The following TMEM108 variants were observed in gnomAD, a reference collection of about 807,000 sequenced individuals.
The protein encoded by TMEM108 is transmembrane protein 108, also known as cancer/testis antigen 124.
Under a neutral mutation model 35.1 loss-of-function variants are expected in TMEM108, and 12 were observed. That is an observed-to-expected ratio of 0.34 (90% CI 0.22 to 0.55). The LOEUF (loss-of-function observed/expected upper bound fraction) is 0.55. Among genes scored for constraint, TMEM108 ranks in the 20% least tolerant of loss-of-function variants. TMEM108 has a pLI of 0.89. For synonymous variants in TMEM108, 287 were observed against 308.6 expected (o/e 0.93, Z 0.73); for missense variants, 680 against 753.3 (o/e 0.90, Z 1.14).
chr3:133,250,250 A>G (rs1375874283), intron 3 of TMEM108, among the ~76,000 whole-genome samples: 1 of 152,088 alleles, frequency 6.6e-6, no homozygotes, highest in East Asian at 1.9e-4. Context: ...CCCTAAGACA[A>G]CAAGACCAAC....
intron 1 of TMEM108, among the ~76,000 whole-genome samples, chr3:133,043,860 C>T (rs1185936842): frequency 6.6e-6 from 1 of 152,188 alleles, no homozygotes; most frequent in East Asian, 1.9e-4. Context: ...TTTTCCTTTT[C>T]TATTTGTAAT....
At chr3:133,167,798 G>C (rs1391281824) in intron 2 of TMEM108, among the ~76,000 whole-genome samples, 1 of 152,178 alleles carries the variant, frequency 6.6e-6, no homozygotes, top group Non-Finnish European at 1.5e-5. Flanking sequence ...CGCAAGCAGA[G>C]GGAGCTGGCT....
intron 2 of TMEM108, among the ~76,000 whole-genome samples, chr3:133,058,057 C>T (rs2049149): frequency 0.4 from 60,516 of 151,602 alleles, 12,797 homozygotes; most frequent in Admixed American, 0.5. Context: ...AAATGCAGCC[C>T]TTGAGCACGT....
intron 2 of TMEM108, among the ~76,000 whole-genome samples, chr3:133,065,385 A>G (rs1282461739): frequency 6.6e-6 from 1 of 152,150 alleles, no homozygotes; most frequent in Non-Finnish European, 1.5e-5. Context: ...TTTCCATTAC[A>G]GAAGAATGCC....
chr3:133,331,939 G>A (rs2071398281), intron 3 of TMEM108, among the ~76,000 whole-genome samples: 1 of 152,222 alleles, frequency 6.6e-6, no homozygotes, highest in South Asian at 2.1e-4. Flanking sequence ...GATATAGCCA[G>A]GTCTGAACGT....
Position 133,316,758 on chromosome 3 carries a change from C to T in TMEM108, c.41-62994C>T, listed in dbSNP as rs148320885. Reference sequence around the variant, plus strand: ...AAGGTCCCCAGGGACCCAAATCAGACCCAAGGTGAGCATGCTGGTCCTCAG... The same window carrying T: ...AAGGTCCCCAGGGACCCAAATCAGATCCAAGGTGAGCATGCTGGTCCTCAG... On this transcript the variant is annotated intron_variant, in intron 3 of 5. Coordinates refer to ENST00000321871, the MANE Select transcript of TMEM108 (RefSeq NM_023943.4). 8.9e-3 allele frequency among the ~76,000 whole-genome samples: 1,351 copies of T among 152,332 alleles called. 57 individuals carry two copies. The highest frequency in any genetic ancestry group is 0.053 in the Admixed American group (816 of 15,306).
intron 3 of TMEM108, among the ~76,000 whole-genome samples, chr3:133,237,549 A>C (rs1559878087): frequency 6.6e-6 from 1 of 152,158 alleles, no homozygotes; most frequent in Non-Finnish European, 1.5e-5. Context: ...AGCAGTTCTC[A>C]TAATGTGATC....
intron 3 of TMEM108, among the ~76,000 whole-genome samples, chr3:133,293,746 C>A (rs1947105003): frequency 6.6e-6 from 1 of 152,098 alleles, no homozygotes; most frequent in South Asian, 2.1e-4. Context: ...GTAGAACATG[C>A]CTACATCTTG....
intron 3 of TMEM108, among the ~76,000 whole-genome samples, chr3:133,306,023 C>T (rs547736587): frequency 1.3e-5 from 2 of 152,038 alleles, no homozygotes; most frequent in African/African-American, 4.8e-5. Flanking sequence ...CAGATATTTT[C>T]TCCTGTGGCT....
intron 2 of TMEM108, among the ~76,000 whole-genome samples, chr3:133,190,510 C>T (rs1451104384): frequency 6.6e-6 from 1 of 152,164 alleles, no homozygotes; most frequent in Non-Finnish European, 1.5e-5. Context: ...TGTTACTATC[C>T]TCTTTTCCTG....
rs60991711 is a variant in TMEM108, at chr3:133,342,555, T to TATATATAC, written c.41-37196_41-37195insTATATACA. On this transcript the variant is annotated intron_variant, in intron 3 of 5. Transcript: ENST00000321871. Reference sequence around the variant, plus strand: ...AAAAAGAAAATGTGGTATATATATATACACACACACACACAATGGAGTACT... The same window carrying TATATATAC: ...AAAAAGAAAATGTGGTATATATATATATATATACACACACACACACACAATGGAGTACT... Among the ~76,000 whole-genome samples the TATATATAC allele has an allele frequency of 8.4e-4, 53 of 63,126 alleles. 2 individuals are homozygous for TATATATAC. The highest frequency in any genetic ancestry group is 1.8e-3 in the South Asian group (3 of 1,688). The allele number at this position is 63,126 out of a possible 152,430, so 41.4% of individuals were successfully genotyped here.
Position 133,276,979 on chromosome 3 carries a change from C to T in TMEM108, c.40+47628C>T, listed in dbSNP as rs72978110. On this transcript the variant is annotated intron_variant, in intron 3 of 5. Transcript: ENST00000321871. ...TCATTCAGTGGGGTACACTCAGGGT[C>T]CCTCAAACTTTAGTGCCACCCTTTC... is the stretch of plus-strand genomic sequence containing the variant. Among the ~76,000 whole-genome samples the T allele has an allele frequency of 8.2e-3, 1,251 of 152,218 alleles. 23 individuals carry two copies. The highest frequency in any genetic ancestry group is 0.029 in the African/African-American group (1,199 of 41,512).
At chr3:133,194,201 C>T (rs1230054888) in intron 2 of TMEM108, among the ~76,000 whole-genome samples, 1 of 152,148 alleles carries the variant, frequency 6.6e-6, no homozygotes, top group Non-Finnish European at 1.5e-5. Flanking sequence ...TCCCAAAGTG[C>T]TGGGATTACA....
chr3:133,119,256 A>G (rs969865631), intron 2 of TMEM108: 8 of 152,088 alleles, frequency 5.3e-5, no homozygotes, highest in African/African-American at 1.9e-4. Flanking sequence ...AAGAGGGAAA[A>G]AAGAGTAGGC....
chr3:133,240,883 T>C (rs1414571179), intron 3 of TMEM108, among the ~76,000 whole-genome samples: 1 of 152,322 alleles, frequency 6.6e-6, no homozygotes, highest in East Asian at 1.9e-4. Context: ...AACATTACTT[T>C]TGTTGTAATA....
chr3:133,305,539 A>T (rs200257037), intron 3 of TMEM108, among the ~76,000 whole-genome samples: 8 of 139,732 alleles, frequency 5.7e-5, no homozygotes, highest in African/African-American at 1.3e-4. Flanking sequence ...AATAAATAAA[A>T]GAAAGATGCC....
Position 133,056,148 on chromosome 3 carries a change from C to T in TMEM108, c.-47+10128C>T, listed in dbSNP as rs144309655. On this transcript the variant is annotated intron_variant, in intron 2 of 5. Coordinates refer to ENST00000321871, the MANE Select transcript of TMEM108 (RefSeq NM_023943.4). ...TTTTATTTCCAGAGTTCTATGGTTCCCACCTGGCTGCAGGACAAGGTGCTT... is the reference window on the plus strand; with the variant it reads ...TTTTATTTCCAGAGTTCTATGGTTCTCACCTGGCTGCAGGACAAGGTGCTT... Among the ~76,000 whole-genome samples the T allele has an allele frequency of 2.0e-3, 237 of 119,934 alleles. 1 individual carries two copies. The highest frequency in any genetic ancestry group is 3.5e-3 in the Non-Finnish European group (198 of 55,970). The allele number at this position is 119,934 out of a possible 152,430, so 78.7% of individuals were successfully genotyped here.
chr3:133,108,101 C>A (rs376366852), intron 2 of TMEM108, among the ~76,000 whole-genome samples: 1 of 152,068 alleles, frequency 6.6e-6, no homozygotes, highest in Non-Finnish European at 1.5e-5. Flanking sequence ...CATGATGGTG[C>A]GTGCCTGTAA....
chr3:133,307,268 A>G (rs2071055417), intron 3 of TMEM108, among the ~76,000 whole-genome samples: 1 of 152,120 alleles, frequency 6.6e-6, no homozygotes, highest in Non-Finnish European at 1.5e-5. Flanking sequence ...GATTCTGGAT[A>G]TTAGCCCTTT....
Sources: gnomAD v4.1 joint callset for allele counts (sites outside exome capture counted in the v4.1 genomes callset) on GRCh38, gnomAD v4.1.1 for gene constraint, MANE v1.5 for transcripts, NCBI Gene and HGNC (gene_info 2026-07-23, HGNC 2026-07-21) for gene names.